The following CDH13 variants were observed in gnomAD, a reference collection of about 807,000 sequenced individuals.
The protein encoded by CDH13 is cadherin-13.
In CDH13, 24 loss-of-function variants were observed where a neutral mutation model predicts 63.8. The observed-to-expected ratio is 0.38, with a 90% CI of 0.27 to 0.53. The LOEUF is 0.53. CDH13 is among the 20% of genes least tolerant of loss of function. The probability of loss-of-function intolerance (pLI) is 0.85; values close to 1 mark genes in which losing one functional copy is unlikely to be tolerated. For missense variants in CDH13, 1,049 were observed against 903.1 expected, an observed-to-expected ratio of 1.16 and a Z score of -2.07; for synonymous variants, 503 against 355.3, an observed-to-expected ratio of 1.42 and a Z score of -4.67.
chr16:82,675,027 A>C (rs969996070), intron 1 of CDH13, among the ~76,000 whole-genome samples: 10 of 152,192 alleles, frequency 6.6e-5, no homozygotes, highest in Non-Finnish European at 1.5e-4. Flanking sequence ...GGATACCTTT[A>C]TTTCTATTCT....
In CDH13 at chr16:82,802,032, G is replaced by A. The variant is rs117109246; in HGVS notation, c.46-56330G>A. Among the ~76,000 whole-genome samples, 1,349 of 152,302 alleles carry A rather than the reference G, an allele frequency of 8.9e-3. 11 individuals carry two copies. Among genetic ancestry groups the A allele is most frequent in the Middle Eastern group, 0.017 (5 of 294 alleles). On this transcript the variant is annotated intron_variant, in intron 1 of 13. Transcript: ENST00000567109. Reference sequence around the variant, plus strand: ...GCGGGTGGGGCTCAGTTCCGTTGAGGATCTCTGGAAGACTACATATAGGCT... The same window carrying A: ...GCGGGTGGGGCTCAGTTCCGTTGAGAATCTCTGGAAGACTACATATAGGCT...
intron 2 of CDH13, among the ~76,000 whole-genome samples, chr16:82,963,529 T>C (rs998939382): frequency 1.3e-5 from 2 of 152,208 alleles, no homozygotes; most frequent in African/African-American, 4.8e-5. Flanking sequence ...TTTAAGTGAC[T>C]CTGTTTCCTC....
At chr16:83,793,925 G>A (rs1179333982) in intron 13 of CDH13, among the ~76,000 whole-genome samples, 1 of 152,150 alleles carries the variant, frequency 6.6e-6, no homozygotes, top group Non-Finnish European at 1.5e-5. Context: ...CCTTATAAGA[G>A]GGACAAAGGA....
At chr16:83,347,632 A>G (rs113020054) in intron 6 of CDH13, among the ~76,000 whole-genome samples, 1 of 152,158 alleles carries the variant, frequency 6.6e-6, no homozygotes, top group East Asian at 1.9e-4. Context: ...CACTATCCCT[A>G]TCTTACAGAT....
intron 1 of CDH13, among the ~76,000 whole-genome samples, chr16:82,689,935 A>C (rs914017782): frequency 5.2e-5 from 7 of 134,966 alleles, no homozygotes; most frequent in Non-Finnish European, 7.7e-5. Flanking sequence ...ACTTGAGGTC[A>C]GGAGTTCGAC....
At chr16:83,607,742 T>C (rs1228564500) in intron 8 of CDH13, among the ~76,000 whole-genome samples, 1 of 152,240 alleles carries the variant, frequency 6.6e-6, no homozygotes, top group Non-Finnish European at 1.5e-5. Flanking sequence ...GTTTTCCTAA[T>C]AGCTTGTACG....
intron 5 of CDH13, among the ~76,000 whole-genome samples, chr16:83,221,804 A>T (rs1466106735): frequency 6.6e-6 from 1 of 152,080 alleles, no homozygotes; most frequent in Non-Finnish European, 1.5e-5. Context: ...ATAACTGGGA[A>T]TGTCAGAGCT....
intron 3 of CDH13, among the ~76,000 whole-genome samples, chr16:83,053,309 T>C (rs370655771): frequency 4.6e-5 from 7 of 152,200 alleles, no homozygotes; most frequent in Middle Eastern, 3.4e-3. Flanking sequence ...TCTCGGGAGG[T>C]GTCACTAGGA....
At chr16:82,665,362 G>C (rs1416357024) in intron 1 of CDH13, among the ~76,000 whole-genome samples, 1 of 152,108 alleles carries the variant, frequency 6.6e-6, no homozygotes, top group East Asian at 1.9e-4. Context: ...TAAATTTTAA[G>C]TAAGGCATCT....
intron 7 of CDH13, among the ~76,000 whole-genome samples, chr16:83,561,610 G>A (rs2075710499): frequency 6.6e-6 from 1 of 152,094 alleles, no homozygotes; most frequent in Admixed American, 6.5e-5. Flanking sequence ...CACTTTACAG[G>A]TTAAATTCAT....
intron 10 of CDH13, among the ~76,000 whole-genome samples, chr16:83,713,574 CT>C (rs1355066570): frequency 2.6e-5 from 4 of 152,064 alleles, no homozygotes; most frequent in Non-Finnish European, 5.9e-5. Context: ...AACTTTACCT[CT>C]CACAAATGGT....
intron 3 of CDH13, among the ~76,000 whole-genome samples, chr16:83,121,196 C>T (rs1301619172): frequency 6.6e-6 from 1 of 152,142 alleles, no homozygotes; most frequent in East Asian, 1.9e-4. Context: ...GAGTCCTTTT[C>T]ACTTCCTAGA....
chr16:83,103,918 T>A (rs116371514), intron 3 of CDH13, among the ~76,000 whole-genome samples: 3,583 of 152,262 alleles, frequency 0.024, 137 homozygotes, highest in African/African-American at 0.078. Context: ...TTGCAAAAAA[T>A]TTGAAATAAA....
At chr16:83,176,711 G>A (rs961492486) in intron 4 of CDH13, among the ~76,000 whole-genome samples, 3 of 151,920 alleles carry the variant, frequency 2.0e-5, no homozygotes, top group African/African-American at 7.3e-5. Context: ...AGGGGGTTGG[G>A]GTGGGTATAT....
At chr16:82,636,447 A>G (rs557562436) in intron 1 of CDH13, among the ~76,000 whole-genome samples, 43 of 152,334 alleles carry the variant, frequency 2.8e-4, no homozygotes, top group South Asian at 6.2e-4. Context: ...TGCAGCCTGT[A>G]CAATTAACCA....
intron 4 of CDH13, among the ~76,000 whole-genome samples, chr16:83,176,960 A>T (rs1256708424): frequency 6.6e-6 from 1 of 152,090 alleles, no homozygotes; most frequent in East Asian, 1.9e-4. Context: ...TGGCAACTAG[A>T]AAGTTTTTAC....
intron 7 of CDH13, among the ~76,000 whole-genome samples, chr16:83,552,171 G>A (rs1049671906): frequency 1.3e-5 from 2 of 152,162 alleles, no homozygotes; most frequent in African/African-American, 4.8e-5. Context: ...TGGAGTTCCA[G>A]GTACATGAGC....
chr16:83,069,283 C>G (rs12325111), intron 3 of CDH13, among the ~76,000 whole-genome samples: 6,035 of 152,220 alleles, frequency 0.04, 324 homozygotes, highest in East Asian at 0.14. Flanking sequence ...CCACAGGGCT[C>G]TTTAGTGGAA....
intron 2 of CDH13, among the ~76,000 whole-genome samples, chr16:82,957,917 A>T (rs1416160730): frequency 6.6e-6 from 1 of 152,192 alleles, no homozygotes; most frequent in African/African-American, 2.4e-5. Context: ...TAATTTTGCC[A>T]GTGTTTATTT....
Sources: gnomAD v4.1 joint callset for allele counts (sites outside exome capture counted in the v4.1 genomes callset) on GRCh38, gnomAD v4.1.1 for gene constraint, MANE v1.5 for transcripts, NCBI Gene and HGNC (gene_info 2026-07-23, HGNC 2026-07-21) for gene names.